Variants in UBE2R2 observed in about 807,000 individuals in gnomAD.
The protein encoded by UBE2R2 is ubiquitin conjugating enzyme E2 R2.
A neutral mutation model predicts 27.8 loss-of-function variants in UBE2R2; 1 was observed. That is an observed-to-expected ratio of 0.04 (90% CI 0.01 to 0.17). The LOEUF is 0.17. Among genes scored for constraint, UBE2R2 ranks in the 10% least tolerant of loss-of-function variants. UBE2R2 has a pLI of 1.00. For missense variants in UBE2R2, 100 were observed against 291.0 expected (o/e 0.34, Z 4.78); for synonymous variants, 106 against 113.3 (o/e 0.94, Z 0.41).
chr9:33,899,510 G>A (rs1480195685), intron 2 of UBE2R2, among the ~76,000 whole-genome samples: 2 of 152,186 alleles, frequency 1.3e-5, no homozygotes, highest in African/African-American at 4.8e-5. Flanking sequence ...GAGTAGCTGG[G>A]ATTACAGGGG....
In UBE2R2 at chr9:33,917,102, T is replaced by C. The variant is rs1822665030; in HGVS notation, c.582T>C (p.Thr194=). The change falls in exon 5 of 5, where the codon ACT becomes ACC. Residue 194 remains threonine, a synonymous_variant. Coordinates refer to ENST00000263228, the MANE Select transcript of UBE2R2 (RefSeq NM_017811.4). ...CCCTGGCGGAATACTGCATCAAAAC[T>C]AAAGTGCCTTCCAATGACAACAGCT... ...PTTLAEYCIK[T]KVPSNDNSSD... is the part of the protein sequence containing the mutation. 1 of 1,614,082 alleles carries C rather than the reference T, an allele frequency of 6.2e-7. No individual in the cohort carries two copies. Among genetic ancestry groups the C allele is most frequent in the South Asian group, 1.1e-5 (1 of 91,092 alleles).
At chr9:33,906,114 T>TGTC (rs1188801442) in intron 3 of UBE2R2, among the ~76,000 whole-genome samples, 2 of 66,202 alleles carry the variant, frequency 3.0e-5, no homozygotes, top group African/African-American at 9.0e-5. Flanking sequence ...TCGTTGTTGC[T>TGTC]GTTGTTGTTG....
chr9:33,840,806 C>T (rs1280754215), intron 1 of UBE2R2, among the ~76,000 whole-genome samples: 1 of 152,056 alleles, frequency 6.6e-6, no homozygotes, highest in Non-Finnish European at 1.5e-5. Context: ...TATCCAGTGG[C>T]ACAGTTATAT....
Position 33,912,090 on chromosome 9 carries a change from A to G in UBE2R2, c.489A>G (p.Glu163=). 1 of 1,607,122 alleles carries G rather than the reference A, an allele frequency of 6.2e-7. No individual in the cohort carries two copies. Among genetic ancestry groups the G allele is most frequent in the East Asian group, 2.2e-5 (1 of 44,826 alleles). ...AAGGAAAAGACAAAGAATATGCTGA[A>G]ATTATTAGGTAAGGTTTTTTTTTTT... is the stretch of plus-strand genomic sequence containing the variant. ...DSKGKDKEYA[E]IIRKQVSATK... Residue 163 remains glutamate, a synonymous_variant, in exon 4 of 5, where the codon GAA becomes GAG. Coordinates refer to ENST00000263228, the MANE Select transcript of UBE2R2 (RefSeq NM_017811.4).
chr9:33,844,275 G>A (rs190741540), intron 1 of UBE2R2, among the ~76,000 whole-genome samples: 9 of 152,238 alleles, frequency 5.9e-5, no homozygotes, highest in East Asian at 1.9e-4. Context: ...CGCGATCTCC[G>A]CTGACTGCAA....
intron 1 of UBE2R2, among the ~76,000 whole-genome samples, chr9:33,820,037 G>A (rs1463415993): frequency 1.3e-5 from 2 of 152,142 alleles, no homozygotes; most frequent in African/African-American, 2.4e-5. Context: ...TGGTACAACC[G>A]ATATTTAAAA....
At chr9:33,829,730 C>T (rs986644494) in intron 1 of UBE2R2, among the ~76,000 whole-genome samples, 2 of 149,744 alleles carry the variant, frequency 1.3e-5, no homozygotes, top group African/African-American at 4.9e-5. Flanking sequence ...TCAGTTTCCT[C>T]ATTTGAGTCT....
intron 2 of UBE2R2, among the ~76,000 whole-genome samples, chr9:33,891,650 AAAAT>A (rs534978346): frequency 2.8e-4 from 42 of 152,202 alleles, no homozygotes; most frequent in Admixed American, 1.6e-3. Context: ...CCTGTCTCAA[AAAAT>A]AAATAAATAA....
At chr9:33,815,573 C>G (rs765844631), upstream of UBE2R2, among the ~76,000 whole-genome samples, 26 of 152,208 alleles carry the variant, frequency 1.7e-4, no homozygotes, top group Non-Finnish European at 3.5e-4. Context: ...GGTGAAATCC[C>G]GTCTCTACTA....
chr9:33,842,453 A>AT (rs554784637), intron 1 of UBE2R2, among the ~76,000 whole-genome samples: 22 of 150,370 alleles, frequency 1.5e-4, no homozygotes, highest in African/African-American at 4.1e-4. Context: ...AATAATTGAA[A>AT]TTTTTTTTTT....
At chr9:33,834,328 G>A (rs955601678) in intron 1 of UBE2R2, among the ~76,000 whole-genome samples, 1 of 151,484 alleles carries the variant, frequency 6.6e-6, no homozygotes, top group African/African-American at 2.4e-5. Context: ...AGCCTCCCAA[G>A]TAGCTGTAGA....
rs543949245 is a variant in UBE2R2, at chr9:33,826,027, C to T, written c.177+8093C>T. Among the ~76,000 whole-genome samples the T allele has an allele frequency of 6.6e-5, 10 of 152,106 alleles. No individual in the cohort carries two copies. The South Asian group carries it at 2.1e-3, about 32-fold the overall frequency. On this transcript the variant is annotated intron_variant, in intron 1 of 4. Transcript: ENST00000263228. ...GTGTGGTGGCATGCGCCTGTAGTCCCAGCTACTTGGGAGGCTGAGGCAGGA... is the reference window on the plus strand; with the variant it reads ...GTGTGGTGGCATGCGCCTGTAGTCCTAGCTACTTGGGAGGCTGAGGCAGGA...
chr9:33,843,597 G>C (rs1334662481), intron 1 of UBE2R2, among the ~76,000 whole-genome samples: 3 of 149,692 alleles, frequency 2.0e-5, no homozygotes, highest in African/African-American at 7.6e-5. Flanking sequence ...TCCTGCCTCA[G>C]CCCCCCTAGT....
intron 1 of UBE2R2, among the ~76,000 whole-genome samples, chr9:33,878,963 T>C (rs1821673757): frequency 6.6e-6 from 1 of 152,084 alleles, no homozygotes; most frequent in African/African-American, 2.4e-5. Context: ...CTGACTCCTT[T>C]CCCCTAATTA....
At chr9:33,893,069 T>C (rs1180933558) in intron 2 of UBE2R2, among the ~76,000 whole-genome samples, 1 of 152,176 alleles carries the variant, frequency 6.6e-6, no homozygotes, top group Non-Finnish European at 1.5e-5. Context: ...CAAGACTGTA[T>C]CCTTCATTCA....
At chr9:33,835,794 G>C (rs1426280517) in intron 1 of UBE2R2, among the ~76,000 whole-genome samples, 1 of 151,980 alleles carries the variant, frequency 6.6e-6, no homozygotes, top group Non-Finnish European at 1.5e-5. Flanking sequence ...GAGGTGGGAG[G>C]ATCATTTGAG....
At chr9:33,891,900 G>A (rs1821994905) in intron 2 of UBE2R2, among the ~76,000 whole-genome samples, 1 of 152,138 alleles carries the variant, frequency 6.6e-6, no homozygotes, top group African/African-American at 2.4e-5. Context: ...AGGCGTAGTG[G>A]CACATGCCTG....
At chr9:33,881,337 C>T (rs954363347) in intron 1 of UBE2R2, among the ~76,000 whole-genome samples, 10 of 152,132 alleles carry the variant, frequency 6.6e-5, no homozygotes, top group African/African-American at 2.2e-4. Flanking sequence ...ATAAAATTCA[C>T]CCTTTTAAAG....
At chr9:33,819,500 C>G (rs1825924129) in intron 1 of UBE2R2, among the ~76,000 whole-genome samples, 1 of 152,134 alleles carries the variant, frequency 6.6e-6, no homozygotes, top group African/African-American at 2.4e-5. Context: ...TTTAAAATTA[C>G]TAAGAAAACA....
Sources: allele counts gnomAD v4.1 joint callset (sites outside exome capture counted in the v4.1 genomes callset), GRCh38; gene constraint gnomAD v4.1.1; transcripts MANE v1.5; gene names NCBI Gene and HGNC (gene_info 2026-07-23, HGNC 2026-07-21).